The following RERE variants were observed in gnomAD, a reference collection of about 807,000 sequenced individuals.
The protein encoded by RERE is arginine-glutamic acid dipeptide repeats protein.
Under a neutral mutation model 146.1 loss-of-function variants are expected in RERE, and 40 were observed. The observed-to-expected ratio is 0.27, with a 90% confidence interval of 0.21 to 0.36. RERE has a LOEUF of 0.36. RERE is among the 10% of genes least tolerant of loss of function. The pLI, the probability that RERE is intolerant of heterozygous loss-of-function variation, is 1.00. For missense variants in RERE, 1,933 were observed against 2,138.7 expected (o/e 0.90, Z 1.90); for synonymous variants, 1,003 against 866.0 (o/e 1.16, Z -2.78).
chr1:8,408,971 A>G (rs1386358334), intron 12 of RERE, among the ~76,000 whole-genome samples: 1 of 152,184 alleles, frequency 6.6e-6, no homozygotes, highest in African/African-American at 2.4e-5. Context: ...GATGTGAGGT[A>G]GGAGAATGGT....
rs1273059356 is a variant in RERE at position 8,423,848 on chromosome 1, C to T, written c.1204-1041G>A. ...TGCAAAAGGCGGCCTGGATTGCCGC[C>T]GCCCTCCTGTCCGCCAGCCGGGGCC... On this transcript the variant is annotated intron_variant, in intron 11 of 22. Coordinates refer to ENST00000400908, the MANE Select transcript of RERE (RefSeq NM_001042681.2). The surrounding 1 kb of genome is among the most constrained non-coding windows in gnomAD (Gnocchi z 5.4). Among the ~76,000 whole-genome samples the T allele has an allele frequency of 6.7e-6, 1 of 149,028 alleles. No homozygotes were observed. The highest frequency in any genetic ancestry group is 1.5e-5 in the Non-Finnish European group (1 of 67,066).
intron 2 of RERE, among the ~76,000 whole-genome samples, chr1:8,651,470 C>G (rs941612132): frequency 2.0e-5 from 3 of 152,140 alleles, no homozygotes; most frequent in Non-Finnish European, 4.4e-5. Flanking sequence ...AGATCCTAAG[C>G]TTTTAAGATA....
At chr1:8,415,090 A>AG (rs1643724744) in intron 12 of RERE, among the ~76,000 whole-genome samples, 1 of 152,234 alleles carries the variant, frequency 6.6e-6, no homozygotes, top group Non-Finnish European at 1.5e-5. Context: ...CTAACAGACT[A>AG]GATAGATATA....
chr1:8,564,894 T>C (rs1186201389), intron 4 of RERE, among the ~76,000 whole-genome samples: 1 of 136,732 alleles, frequency 7.3e-6, no homozygotes, highest in Non-Finnish European at 1.6e-5. Context: ...AAAACTACTA[T>C]TCAGTCTTTA....
intron 2 of RERE, among the ~76,000 whole-genome samples, chr1:8,643,431 AAT>A (rs1323904760): frequency 6.6e-6 from 1 of 152,204 alleles, no homozygotes; most frequent in African/African-American, 2.4e-5. Flanking sequence ...GCTATAACAC[AAT>A]ATATGTTACT....
intron 1 of RERE, among the ~76,000 whole-genome samples, chr1:8,736,216 T>C (rs990592241): frequency 2.0e-5 from 3 of 148,194 alleles, no homozygotes; most frequent in Middle Eastern, 3.5e-3. Flanking sequence ...TTTGTTTGTT[T>C]GTTTTTTGGA....
chr1:8,433,668 C>G (rs1644127185), intron 11 of RERE, among the ~76,000 whole-genome samples: 1 of 150,816 alleles, frequency 6.6e-6, no homozygotes, highest in Admixed American at 6.6e-5. Context: ...TCACGCCATT[C>G]TCCTGCCTCA....
rs200649907 is a variant in RERE at position 8,497,402 on chromosome 1, T to C, written c.1004+3A>G. On this transcript the variant is annotated splice_donor_region_variant and intron_variant, in intron 9 of 22. Coordinates refer to ENST00000400908, the MANE Select transcript of RERE (RefSeq NM_001042681.2). ...AAGCAGGATGGGGGTAGATTCCTAT[T>C]ACCTTGCTGCCCTCAAGTACATAAG... The C allele has an allele frequency of 3.7e-6, 6 of 1,614,068 alleles. No individual in the cohort carries two copies. The highest frequency in any genetic ancestry group is 5.1e-6 in the Non-Finnish European group (6 of 1,179,976).
At chr1:8,678,789 C>T (rs1638901732) in intron 1 of RERE, among the ~76,000 whole-genome samples, 1 of 152,168 alleles carries the variant, frequency 6.6e-6, no homozygotes, top group Admixed American at 6.5e-5. Context: ...CCAACTTTCT[C>T]TAAAGAAAAA....
At chr1:8,533,733 G>A (rs1306349704) in intron 7 of RERE, among the ~76,000 whole-genome samples, 1 of 152,176 alleles carries the variant, frequency 6.6e-6, no homozygotes, top group African/African-American at 2.4e-5. Flanking sequence ...TACTGCTTTA[G>A]TTTTCAGTTT....
At chr1:8,657,428 A>T (rs1352075868) in intron 1 of RERE, among the ~76,000 whole-genome samples, 2 of 152,210 alleles carry the variant, frequency 1.3e-5, no homozygotes, top group Non-Finnish European at 2.9e-5. Flanking sequence ...TCAAGAATAA[A>T]AATAATATTT....
chr1:8,354,449 T>C lies in RERE; in HGVS notation c.*638A>G, dbSNP rs1641212732. The C allele has an allele frequency of 6.6e-6, 1 of 152,328 alleles. No individual in the cohort carries two copies. Among genetic ancestry groups the C allele is most frequent in the Non-Finnish European group, 1.5e-5 (1 of 68,032 alleles). The allele number at this position is 152,328 out of a possible 1,614,324, so 9.4% of individuals were successfully genotyped here. ...TTATTAAAAAATCAACTCTGTATTC[T>C]GTCAATAGTTGGTAGGAATTCACAA... On this transcript the variant is annotated 3_prime_UTR_variant, in exon 23 of 23. Coordinates refer to ENST00000400908, the MANE Select transcript of RERE (RefSeq NM_001042681.2).
chr1:8,564,826 ATGTGTATG>A (rs1429025779), intron 4 of RERE, among the ~76,000 whole-genome samples: 2,120 of 117,924 alleles, frequency 0.018, 31 homozygotes, highest in Non-Finnish European at 0.023. Flanking sequence ...GTGTGTGTAT[ATGTGTATG>A]TGTGTGTGTG....
intron 12 of RERE, chr1:8,380,856 C>G: frequency 2.2e-6 from 1 of 456,764 alleles, no homozygotes; most frequent in South Asian, 1.5e-5. Context: ...AGAGCTGGAC[C>G]TTGGAGTCCT....
intron 10 of RERE, among the ~76,000 whole-genome samples, chr1:8,469,081 T>C (rs751790): frequency 0.17 from 25,530 of 151,914 alleles, 2,417 homozygotes; most frequent in Middle Eastern, 0.28. Context: ...GATAAAATAA[T>C]AACATCAACC....
At chr1:8,482,167 G>C (rs566135271) in intron 10 of RERE, among the ~76,000 whole-genome samples, 23 of 152,038 alleles carry the variant, frequency 1.5e-4, no homozygotes, top group Non-Finnish European at 2.9e-4. Context: ...GCAGATGAGA[G>C]GTTGCCTAGG....
intron 12 of RERE, among the ~76,000 whole-genome samples, chr1:8,378,535 C>G (rs892310050): frequency 3.3e-5 from 5 of 152,086 alleles, no homozygotes; most frequent in Admixed American, 1.3e-4. Flanking sequence ...TAATCCAGTA[C>G]GACTGGTGTC....
chr1:8,688,480 G>A (rs1015906082), intron 1 of RERE, among the ~76,000 whole-genome samples: 1 of 151,860 alleles, frequency 6.6e-6, no homozygotes, highest in Non-Finnish European at 1.5e-5. Flanking sequence ...AGAATCCCTT[G>A]AACCCAGGAG....
intron 4 of RERE, among the ~76,000 whole-genome samples, chr1:8,592,470 C>T (rs1192682034): frequency 6.6e-6 from 1 of 152,104 alleles, no homozygotes; most frequent in Non-Finnish European, 1.5e-5. Context: ...TCGGGTTTCA[C>T]CACGTTGCCC....
Sources: allele counts gnomAD v4.1 joint callset (sites outside exome capture counted in the v4.1 genomes callset), GRCh38; gene constraint gnomAD v4.1.1; non-coding constraint Gnocchi (gnomAD v3.1); transcripts MANE v1.5; gene names NCBI Gene and HGNC (gene_info 2026-07-23, HGNC 2026-07-21).